STX12: variants seen among roughly 807,000 people sequenced by gnomAD.
The protein encoded by STX12 is syntaxin-12.
A neutral mutation model predicts 42.2 loss-of-function variants in STX12; 17 were observed. The ratio of observed to expected loss-of-function variants is 0.40; its 90% CI spans 0.28 to 0.60. The LOEUF is 0.60. Ranked by LOEUF, STX12 falls within the 20% of genes least tolerant of loss-of-function variation. The pLI is 0.39. For synonymous variants in STX12, 108 were observed against 116.7 expected, an observed-to-expected ratio of 0.93 and a Z score of 0.48; for missense variants, 297 against 330.9, an observed-to-expected ratio of 0.90 and a Z score of 0.79.
At chr1:27,793,668 G>T in intron 3 of STX12, 36 bp downstream of exon 3, 1 of 1,572,242 alleles carries the variant, frequency 6.4e-7, no homozygotes. Context: ...AATAGGAAAG[G>T]ACTTTGTGTT....
intron 6 of STX12, among the ~76,000 whole-genome samples, chr1:27,813,291 T>C (rs1229977808): frequency 6.6e-6 from 1 of 152,110 alleles, no homozygotes; most frequent in Non-Finnish European, 1.5e-5. Context: ...TTCTCCTGCC[T>C]CAGCCTCCTG....
intron 1 of STX12, among the ~76,000 whole-genome samples, chr1:27,774,524 A>T (rs2088615940): frequency 6.6e-6 from 1 of 152,030 alleles, no homozygotes; most frequent in Admixed American, 6.6e-5. Context: ...TAAACTTTTA[A>T]AAATTTTTCT....
intron 5 of STX12, among the ~76,000 whole-genome samples, chr1:27,811,363 G>T (rs1557806363): frequency 6.7e-6 from 1 of 150,086 alleles, no homozygotes; most frequent in Non-Finnish European, 1.5e-5. Context: ...ACAGCACTTT[G>T]GCAGGTTGAG....
chr1:27,778,233 C>A (rs535828723), intron 1 of STX12, among the ~76,000 whole-genome samples: 2 of 152,294 alleles, frequency 1.3e-5, no homozygotes, highest in South Asian at 2.1e-4. Context: ...GTTACAGGTA[C>A]AGCTAAGGTT....
At chr1:27,784,371 C>T (rs2088687225) in intron 1 of STX12, among the ~76,000 whole-genome samples, 1 of 152,022 alleles carries the variant, frequency 6.6e-6, no homozygotes, top group Admixed American at 6.6e-5. Context: ...CAAGCATGCG[C>T]CACCATGCTT....
chr1:27,818,044 G>A, intron 7 of STX12, 121 bp downstream of exon 7: 2 of 723,380 alleles, frequency 2.8e-6, no homozygotes, highest in Non-Finnish European at 4.7e-6. Flanking sequence ...AGCCAACCTG[G>A]GCAACATAAT....
chr1:27,803,868 G>A (rs1383332020), intron 4 of STX12, among the ~76,000 whole-genome samples: 1 of 152,088 alleles, frequency 6.6e-6, no homozygotes, highest in Non-Finnish European at 1.5e-5. Context: ...GGGCGTGGTA[G>A]CGCGTGCCTG....
intron 1 of STX12, among the ~76,000 whole-genome samples, chr1:27,777,380 G>T (rs543716677): frequency 1.3e-5 from 2 of 152,216 alleles, no homozygotes; most frequent in African/African-American, 4.8e-5. Context: ...AGGCTAGTTT[G>T]GCTGGAGTAC....
At chr1:27,806,264 C>A (rs12060796) in intron 4 of STX12, among the ~76,000 whole-genome samples, 18,806 of 152,148 alleles carry the variant, frequency 0.12, 3,869 homozygotes, top group African/African-American at 0.43. Flanking sequence ...GCTCATACTT[C>A]TTTTCAACAA....
At chr1:27,800,746 T>A (rs2148603301) in intron 3 of STX12, among the ~76,000 whole-genome samples, 1 of 152,076 alleles carries the variant, frequency 6.6e-6, no homozygotes, top group African/African-American at 2.4e-5. Flanking sequence ...CTTGAACTCC[T>A]AGGCTCAAGT....
chr1:27,777,270 CAT>C (rs2088633674), intron 1 of STX12, among the ~76,000 whole-genome samples: 2 of 152,150 alleles, frequency 1.3e-5, no homozygotes, highest in South Asian at 2.1e-4. Flanking sequence ...AGTGAGTAGA[CAT>C]GTGAATGAAA....
intron 1 of STX12, among the ~76,000 whole-genome samples, chr1:27,788,151 T>C (rs1436951595): frequency 6.6e-6 from 1 of 152,216 alleles, no homozygotes; most frequent in Non-Finnish European, 1.5e-5. Flanking sequence ...TTCTGGGCAA[T>C]GAGTACTCTA....
At chr1:27,817,996 T>A in intron 7 of STX12, 73 bp downstream of exon 7, 4 of 1,324,154 alleles carry the variant, frequency 3.0e-6, no homozygotes, top group Admixed American at 3.5e-5. Context: ...TCCCAGCTAC[T>A]CAGAAGGCTG....
chr1:27,782,501 A>C (rs2088675019), intron 1 of STX12, among the ~76,000 whole-genome samples: 1 of 152,132 alleles, frequency 6.6e-6, no homozygotes, highest in African/African-American at 2.4e-5. Context: ...ATCCATTTTC[A>C]CTTTAGTCTA....
intron 1 of STX12, among the ~76,000 whole-genome samples, chr1:27,787,184 G>A (rs2088704546): frequency 6.6e-6 from 1 of 152,116 alleles, no homozygotes; most frequent in South Asian, 2.1e-4. Flanking sequence ...AGTGCTACCA[G>A]CCTATATATA....
intron 6 of STX12, among the ~76,000 whole-genome samples, chr1:27,816,809 A>G (rs1288569182): frequency 1.3e-5 from 2 of 151,344 alleles, no homozygotes; most frequent in Non-Finnish European, 3.0e-5. Flanking sequence ...CCAGCTACTC[A>G]GGAGGCTGAG....
rs144572528 is a variant in STX12, at chr1:27,779,482, GC to G, written c.118+6059del. On this transcript the variant is annotated intron_variant, in intron 1 of 8. Transcript: ENST00000373943. ...CCGAGTTGCTGGGATTACAGGACCT[GC>G]CACCACGCCCAGCTAATTTTTGTAT... Among the ~76,000 whole-genome samples the G allele has an allele frequency of 0.022, 3,259 of 150,830 alleles. 187 individuals are homozygous for G. The East Asian group carries it at 0.25, about 12-fold the overall frequency.
chr1:27,797,919 A>T (rs2088798110), intron 3 of STX12, among the ~76,000 whole-genome samples: 1 of 144,074 alleles, frequency 6.9e-6, no homozygotes, highest in South Asian at 2.1e-4. Context: ...GAGTCTATAT[A>T]CTCTGGAGCC....
chr1:27,798,059 T>C (rs2088798678), intron 3 of STX12, among the ~76,000 whole-genome samples: 1 of 152,220 alleles, frequency 6.6e-6, no homozygotes, highest in Non-Finnish European at 1.5e-5. Context: ...TTATAGGTCA[T>C]TGTATAGATA....
Sources: allele counts gnomAD v4.1 joint callset (sites outside exome capture counted in the v4.1 genomes callset), GRCh38; gene constraint gnomAD v4.1.1; transcripts MANE v1.5; gene names NCBI Gene and HGNC (gene_info 2026-07-23, HGNC 2026-07-21).